TBC1D4: variants seen among roughly 807,000 people sequenced by gnomAD.
TBC1D4 encodes TBC1 domain family member 4, also known as TBC (Tre-2, BUB2, CDC16) domain-containing protein.
A neutral mutation model predicts 142.5 loss-of-function variants in TBC1D4; 121 were observed. The observed-to-expected ratio is 0.85, with a 90% confidence interval of 0.73 to 0.99. TBC1D4 has a LOEUF of 0.99. TBC1D4 is among the 50% of genes least tolerant of loss of function. The pLI is 0.00. For missense variants in TBC1D4, 1,475 were observed against 1,606.6 expected (o/e 0.92, Z 1.40); for synonymous variants, 630 against 628.2 (o/e 1.00, Z -0.04).
At chr13:75,366,886 A>C in intron 1 of TBC1D4, 1 of 900,374 alleles carries the variant, frequency 1.1e-6, no homozygotes. Flanking sequence ...GAAAATCTGG[A>C]GAGTGAAAAA....
At chr13:75,448,587 TAAC>T (rs980245447) in intron 1 of TBC1D4, among the ~76,000 whole-genome samples, 3 of 143,490 alleles carry the variant, frequency 2.1e-5, no homozygotes, top group Non-Finnish European at 4.6e-5. Context: ...AAAAAAACAA[TAAC>T]AACAACAACA....
intron 5 of TBC1D4, among the ~76,000 whole-genome samples, chr13:75,341,851 C>T (rs1012117091): frequency 2.6e-5 from 4 of 152,166 alleles, no homozygotes; most frequent in Non-Finnish European, 4.4e-5. Flanking sequence ...CAGTGGCTCG[C>T]GCCTGTAATC....
chr13:75,349,030 AT>A (rs1438904029), intron 5 of TBC1D4, 139 bp downstream of exon 5: 1 of 1,295,244 alleles, frequency 7.7e-7, no homozygotes, highest in African/African-American at 1.5e-5. Context: ...GCCCACTCAC[AT>A]TTGAGTGGAC....
At chr13:75,442,138 AC>A (rs1235599280) in intron 1 of TBC1D4, among the ~76,000 whole-genome samples, 2 of 152,202 alleles carry the variant, frequency 1.3e-5, no homozygotes, top group African/African-American at 4.8e-5. Flanking sequence ...ATATAGGGTA[AC>A]CTCAAAAGAA....
At chr13:75,479,623 C>A (rs1888753164) in intron 1 of TBC1D4, among the ~76,000 whole-genome samples, 1 of 151,816 alleles carries the variant, frequency 6.6e-6, no homozygotes, top group South Asian at 2.1e-4. Flanking sequence ...CAGAAACCCC[C>A]GAGAGTCATG....
At chr13:75,476,702 C>T (rs1888643764) in intron 1 of TBC1D4, among the ~76,000 whole-genome samples, 1 of 152,146 alleles carries the variant, frequency 6.6e-6, no homozygotes, top group Non-Finnish European at 1.5e-5. Flanking sequence ...AGAAAGACTA[C>T]AAAAATATCC....
intron 1 of TBC1D4, among the ~76,000 whole-genome samples, chr13:75,411,140 C>T (rs928438476): frequency 6.6e-6 from 1 of 151,964 alleles, no homozygotes; most frequent in South Asian, 2.1e-4. Context: ...TCTCCACAAC[C>T]GCTCCTTTGT....
Position 75,481,720 on chromosome 13 carries a change from C to T in TBC1D4, c.48G>A (p.Leu16=). The T allele has an allele frequency of 1.3e-6, 2 of 1,597,064 alleles. No homozygotes were observed. Among genetic ancestry groups the T allele is most frequent in the African/African-American group, 1.4e-5 (1 of 73,676 alleles). The part of the protein sequence containing the change: ...CIQDEPFPHP[L]EPEPGVSAQP... Reference sequence around the variant, plus strand: ...GAGCTGAGACGCCCGGCTCGGGCTCCAGGGGGTGCGGGAACGGCTCATCCT... The same window carrying T: ...GAGCTGAGACGCCCGGCTCGGGCTCTAGGGGGTGCGGGAACGGCTCATCCT... The change falls in exon 1 of 21, where the codon CTG becomes CTA. Residue 16 remains leucine (L), a synonymous_variant. Transcript: ENST00000377636.
At chr13:75,425,328 A>C (rs1463304401) in intron 1 of TBC1D4, among the ~76,000 whole-genome samples, 2 of 152,266 alleles carry the variant, frequency 1.3e-5, no homozygotes, top group African/African-American at 4.8e-5. Context: ...AAAGATGACA[A>C]GTTAAGTGTT....
chr13:75,473,125 G>A (rs924274596), intron 1 of TBC1D4, among the ~76,000 whole-genome samples: 1 of 152,122 alleles, frequency 6.6e-6, no homozygotes, highest in Non-Finnish European at 1.5e-5. Context: ...CTCCTCCTGG[G>A]TAGCTGGGAT....
At chr13:75,469,013 G>C (rs761050214) in intron 1 of TBC1D4, among the ~76,000 whole-genome samples, 3 of 152,158 alleles carry the variant, frequency 2.0e-5, no homozygotes, top group Non-Finnish European at 2.9e-5. Flanking sequence ...AAGTGAAAAA[G>C]TGGGCTACCC....
At chr13:75,380,228 T>C (rs1883751228) in intron 1 of TBC1D4, among the ~76,000 whole-genome samples, 1 of 151,102 alleles carries the variant, frequency 6.6e-6, no homozygotes, top group Admixed American at 6.6e-5. Flanking sequence ...TCCCAGAACT[T>C]TGGGAGGCCG....
chr13:75,401,622 GAAT>G (rs1295265363), intron 1 of TBC1D4, among the ~76,000 whole-genome samples: 4 of 152,192 alleles, frequency 2.6e-5, no homozygotes, highest in African/African-American at 9.7e-5. Context: ...AGAATTAACA[GAAT>G]ATACAGATTA....
At chr13:75,454,333 A>G (rs181134954) in intron 1 of TBC1D4, among the ~76,000 whole-genome samples, 11 of 152,346 alleles carry the variant, frequency 7.2e-5, no homozygotes, top group Admixed American at 7.2e-4. Flanking sequence ...TGACTTATTA[A>G]AAGAAAGTAG....
chr13:75,354,607 T>TG (rs1164066861), intron 4 of TBC1D4, among the ~76,000 whole-genome samples: 2 of 151,110 alleles, frequency 1.3e-5, no homozygotes, highest in Non-Finnish European at 2.9e-5. Flanking sequence ...GGTAGCAGAG[T>TG]GGGGGGATCC....
At chr13:75,421,703 TA>T (rs1338230584) in intron 1 of TBC1D4, among the ~76,000 whole-genome samples, 5 of 152,138 alleles carry the variant, frequency 3.3e-5, no homozygotes, top group African/African-American at 9.7e-5. Flanking sequence ...TATAAGAAAA[TA>T]ATTTTTGGAT....
chr13:75,410,180 T>C (rs1885572489), intron 1 of TBC1D4, among the ~76,000 whole-genome samples: 1 of 152,334 alleles, frequency 6.6e-6, no homozygotes, highest in Admixed American at 6.5e-5. Context: ...TTACTATGTT[T>C]GATATATTCA....
intron 8 of TBC1D4, among the ~76,000 whole-genome samples, chr13:75,334,875 T>C (rs767580199): frequency 1.8e-4 from 28 of 152,170 alleles, no homozygotes; most frequent in Non-Finnish European, 4.0e-4. Context: ...ACAGGGTTCA[T>C]TCTAATTTCT....
At chr13:75,311,059 C>T (rs985767302) in intron 13 of TBC1D4, among the ~76,000 whole-genome samples, 2 of 152,188 alleles carry the variant, frequency 1.3e-5, no homozygotes, top group African/African-American at 4.8e-5. Flanking sequence ...TTCCTACTGC[C>T]AATGATTTTC....
Sources: gnomAD v4.1 joint callset for allele counts (sites outside exome capture counted in the v4.1 genomes callset) on GRCh38, gnomAD v4.1.1 for gene constraint, MANE v1.5 for transcripts, NCBI Gene and HGNC (gene_info 2026-07-23, HGNC 2026-07-21) for gene names.